SGCZ: variants seen among roughly 807,000 people sequenced by gnomAD.
The protein encoded by SGCZ is sarcoglycan zeta.
In SGCZ, 40 loss-of-function variants were observed where a neutral mutation model predicts 41.3. That is an observed-to-expected ratio of 0.97 (90% CI 0.75 to 1.26). SGCZ has a LOEUF of 1.26. Ranked by LOEUF, SGCZ falls within the 50% of genes most tolerant of loss-of-function variation. SGCZ has a pLI of 0.00. For missense variants in SGCZ, 552 were observed against 369.8 expected (o/e 1.49, Z -4.04); for synonymous variants, 206 against 137.5 (o/e 1.50, Z -3.49).
At chr8:14,373,262 A>G (rs943984354) in intron 2 of SGCZ, among the ~76,000 whole-genome samples, 9 of 152,188 alleles carry the variant, frequency 5.9e-5, no homozygotes, top group Admixed American at 3.3e-4. Flanking sequence ...ACTAAATGGA[A>G]AAGATTTACT....
At chr8:14,100,008 A>G (rs149205146) in intron 7 of SGCZ, among the ~76,000 whole-genome samples, 1 of 152,166 alleles carries the variant, frequency 6.6e-6, no homozygotes, top group Non-Finnish European at 1.5e-5. Context: ...AGTAGTTTAA[A>G]AACTATCTAA....
chr8:14,358,769 C>A (rs575641458), intron 2 of SGCZ, among the ~76,000 whole-genome samples: 1 of 151,952 alleles, frequency 6.6e-6, no homozygotes. Flanking sequence ...TGCCACCATG[C>A]CCGGCTAATT....
chr8:15,102,263 C>A (rs139911040), intron 1 of SGCZ, among the ~76,000 whole-genome samples: 89 of 152,170 alleles, frequency 5.8e-4, no homozygotes, highest in African/African-American at 1.9e-3. Context: ...CATGGAGGAA[C>A]CTTCAATGCA....
intron 1 of SGCZ, among the ~76,000 whole-genome samples, chr8:14,815,008 T>C (rs1049356615): frequency 2.6e-5 from 4 of 152,206 alleles, no homozygotes; most frequent in Non-Finnish European, 5.9e-5. Flanking sequence ...TTTTTTCTTG[T>C]TTCTGATGTG....
At chr8:15,195,084 A>C (rs1800679417) in intron 1 of SGCZ, among the ~76,000 whole-genome samples, 1 of 151,800 alleles carries the variant, frequency 6.6e-6, no homozygotes, top group Non-Finnish European at 1.5e-5. Context: ...GAGGTTCTTA[A>C]ATCAAGATTT....
intron 2 of SGCZ, among the ~76,000 whole-genome samples, chr8:14,391,894 T>TGTCCTGCTCCTGCCAC (rs1804789052): frequency 6.6e-6 from 1 of 152,128 alleles, no homozygotes; most frequent in Non-Finnish European, 1.5e-5. Flanking sequence ...GCTCCTGCCA[T>TGTCCTGCTCCTGCCAC]GTCCTGCTCC....
Position 14,086,763 on chromosome 8 carries a change from T to C in SGCZ, c.*3680A>G, listed in dbSNP as rs140151552. 2.0e-4 allele frequency among the ~76,000 whole-genome samples: 31 copies of C among 151,778 alleles called. No individual in the cohort carries two copies. The highest frequency in any genetic ancestry group is 3.5e-4 in the Non-Finnish European group (24 of 67,712). On this transcript the variant is annotated 3_prime_UTR_variant, in exon 8 of 8. Coordinates refer to ENST00000382080, the MANE Select transcript of SGCZ (RefSeq NM_139167.4). ...GGAGTATAAAAAAGAGCATAGGAAG[T>C]AGCGTGCCAAAAAGGTTTGTATTTC... is the stretch of plus-strand genomic sequence containing the variant.
intron 1 of SGCZ, among the ~76,000 whole-genome samples, chr8:14,955,197 A>G (rs1420310951): frequency 6.6e-6 from 1 of 152,166 alleles, no homozygotes; most frequent in African/African-American, 2.4e-5. Context: ...AAACTTCAAA[A>G]CTTCCTATTT....
Position 14,400,276 on chromosome 8 carries a change from T to C in SGCZ, c.235-76072A>G, listed in dbSNP as rs1360092969. 2.0e-5 allele frequency among the ~76,000 whole-genome samples: 3 copies of C among 152,148 alleles called. No homozygotes were observed. The East Asian group carries it at 5.8e-4, about 29-fold the overall frequency. The stretch of plus-strand genomic sequence containing the variant: ...ATCCATTCATCAGTTGACATTTTAG[T>C]TGTTACCACTTTCTGGCTATTAAGA... On this transcript the variant is annotated intron_variant, in intron 2 of 7. Coordinates refer to ENST00000382080, the MANE Select transcript of SGCZ (RefSeq NM_139167.4).
At chr8:15,093,457 G>A (rs1474450544) in intron 1 of SGCZ, among the ~76,000 whole-genome samples, 1 of 152,132 alleles carries the variant, frequency 6.6e-6, no homozygotes, top group Non-Finnish European at 1.5e-5. Context: ...AGTTTGTAGT[G>A]ATAATTTTGT....
intron 1 of SGCZ, among the ~76,000 whole-genome samples, chr8:14,784,094 A>C (rs902461697): frequency 2.0e-5 from 3 of 150,574 alleles, no homozygotes; most frequent in Admixed American, 6.6e-5. Context: ...TCTGGCTTCC[A>C]GGCCAGAGTG....
chr8:14,253,264 G>GTT (rs1799350111), intron 3 of SGCZ, among the ~76,000 whole-genome samples: 1 of 151,744 alleles, frequency 6.6e-6, no homozygotes, highest in Non-Finnish European at 1.5e-5. Context: ...GTGTGTGTGT[G>GTT]TGTGTGTGTA....
At position 15,024,900 on chromosome 8, in the gene SGCZ, C is replaced by A. The variant is rs1803393882; in HGVS notation, c.39+212685G>T. 1.3e-5 allele frequency among the ~76,000 whole-genome samples: 2 copies of A among 151,720 alleles called. 1 individual carries two copies. The highest frequency in any genetic ancestry group is 4.2e-4 in the South Asian group (2 of 4,798). ...GCAGTGAGCCGAGATGGCGCCACTG[C>A]ACTCCAGCCTGGGCGACAGAGTGAG... On this transcript the variant is annotated intron_variant, in intron 1 of 7. Coordinates refer to ENST00000382080, the MANE Select transcript of SGCZ (RefSeq NM_139167.4).
intron 1 of SGCZ, among the ~76,000 whole-genome samples, chr8:14,639,038 C>CTTTTTT: frequency 7.3e-6 from 1 of 137,614 alleles, no homozygotes. Context: ...AAACTGGAAT[C>CTTTTTT]TTTTTTTTTT....
chr8:14,492,203 T>C (rs1046487441), intron 2 of SGCZ, among the ~76,000 whole-genome samples: 2 of 152,196 alleles, frequency 1.3e-5, no homozygotes, highest in African/African-American at 4.8e-5. Context: ...CACCAGCAGT[T>C]ACATCATCAC....
At chr8:15,233,948 T>G (rs932829593) in intron 1 of SGCZ, among the ~76,000 whole-genome samples, 6 of 152,112 alleles carry the variant, frequency 3.9e-5, no homozygotes, top group African/African-American at 1.4e-4. Flanking sequence ...CAAATAACAA[T>G]TATCCACAAA....
chr8:14,677,866 C>T (rs1055512225), intron 1 of SGCZ, among the ~76,000 whole-genome samples: 1 of 152,056 alleles, frequency 6.6e-6, no homozygotes, highest in Non-Finnish European at 1.5e-5. Context: ...AGGAGGAGAA[C>T]GAAGTTGGAG....
chr8:14,329,455 A>G (rs1274631464), intron 2 of SGCZ, among the ~76,000 whole-genome samples: 1 of 152,212 alleles, frequency 6.6e-6, no homozygotes, highest in Non-Finnish European at 1.5e-5. Context: ...TTTAAAAAAT[A>G]TCAACTTCTC....
chr8:14,831,865 T>C (rs1329372897), intron 1 of SGCZ, among the ~76,000 whole-genome samples: 3 of 152,182 alleles, frequency 2.0e-5, no homozygotes, highest in East Asian at 1.9e-4. Flanking sequence ...AGTATGTATA[T>C]GTGTGTATAT....
Sources: gnomAD v4.1 joint callset for allele counts (sites outside exome capture counted in the v4.1 genomes callset) on GRCh38, gnomAD v4.1.1 for gene constraint, MANE v1.5 for transcripts, NCBI Gene and HGNC (gene_info 2026-07-23, HGNC 2026-07-21) for gene names.